The following TUSC3 variants were observed in gnomAD, a reference collection of about 807,000 sequenced individuals.
TUSC3 encodes dolichyl-diphosphooligosaccharide--protein glycosyltransferase subunit TUSC3.
Under a neutral mutation model 44.8 loss-of-function variants are expected in TUSC3, and 45 were observed. The observed-to-expected ratio is 1.00, with a 90% CI of 0.79 to 1.29. The LOEUF (loss-of-function observed/expected upper bound fraction) is 1.29, where lower values mean the gene tolerates loss of function less well. Ranked by LOEUF, TUSC3 falls within the 50% of genes most tolerant of loss-of-function variation. The probability of loss-of-function intolerance (pLI) is 0.00; values close to 1 mark genes in which losing one functional copy is unlikely to be tolerated. For missense variants in TUSC3, 519 were observed against 437.9 expected (o/e 1.19, Z -1.65); for synonymous variants, 212 against 152.9 (o/e 1.39, Z -2.85).
At chr8:15,626,929 T>C (rs1168382550) in intron 2 of TUSC3, among the ~76,000 whole-genome samples, 2 of 152,076 alleles carry the variant, frequency 1.3e-5, no homozygotes, top group Non-Finnish European at 2.9e-5. Context: ...GGCTCCAGGG[T>C]GGAAGGGTCC....
the TUSC3 span, among the ~76,000 whole-genome samples, chr8:15,779,012 T>C: frequency 3.3e-5 from 5 of 152,066 alleles, no homozygotes; most frequent in African/African-American, 1.2e-4. Flanking sequence ...TCCTCAGCAC[T>C]AGGACTGGAG....
At chr8:15,708,442 TAAAAGA>T (rs1809709093) in intron 6 of TUSC3, among the ~76,000 whole-genome samples, 1 of 151,934 alleles carries the variant, frequency 6.6e-6, no homozygotes, top group African/African-American at 2.4e-5. Context: ...CTGAAAGACT[TAAAAGA>T]CTAGTCTGAA....
At position 15,540,704 on chromosome 8, in the gene TUSC3, G is replaced by T. The variant is rs1199162135; in HGVS notation, c.138+136G>T. The T allele has an allele frequency of 4.1e-6, 5 of 1,229,618 alleles. No homozygotes were observed. The African/African-American group carries it at 7.9e-5, about 19-fold the overall frequency. The allele number at this position is 1,229,618 out of a possible 1,614,324, so 76.2% of individuals were successfully genotyped here. On this transcript the variant is annotated intron_variant, in intron 1 of 10. Transcript: ENST00000503731. ...ATGCCGGCGCTGGGGCGGGAGCCGC[G>T]AGGGTGGGAGGCCCTGGGGCGTTTC...
At chr8:15,771,635 A>C (rs1185522820), downstream of TUSC3, among the ~76,000 whole-genome samples, 1 of 152,172 alleles carries the variant, frequency 6.6e-6, no homozygotes, top group African/African-American at 2.4e-5. Context: ...GTGGAAAATA[A>C]ATAATATAAA....
At chr8:15,746,652 T>C (rs1811429367) in intron 8 of TUSC3, among the ~76,000 whole-genome samples, 1 of 152,048 alleles carries the variant, frequency 6.6e-6, no homozygotes, top group Admixed American at 6.6e-5. Flanking sequence ...GATCACACAT[T>C]TCAAGCCTCA....
At chr8:15,513,357 G>T (rs1299144410) in intron 2 of TUSC3, among the ~76,000 whole-genome samples, 1 of 152,096 alleles carries the variant, frequency 6.6e-6, no homozygotes, top group South Asian at 2.1e-4. Flanking sequence ...GATGGAAGTT[G>T]CTGGTTGGAA....
chr8:15,764,541 A>C lies in TUSC3; in HGVS notation c.*385A>C, dbSNP rs1183584855. 1.1e-5 allele frequency: 3 copies of C among 281,768 alleles called. No individual in the cohort carries two copies. The highest frequency in any genetic ancestry group is 2.1e-5 in the Non-Finnish European group (3 of 145,672). The allele number at this position is 281,768 out of a possible 1,614,324, so 17.5% of individuals were successfully genotyped here. On this transcript the variant is annotated 3_prime_UTR_variant, in exon 11 of 11. Coordinates refer to ENST00000503731, the MANE Select transcript of TUSC3 (RefSeq NM_006765.4). ...TAAAGGACCGCAATGTTAGTAAAGA[A>C]AACCTATGAAATGTATGTTAAAGAT...
chr8:15,725,769 T>TA (rs1810472724), intron 6 of TUSC3, among the ~76,000 whole-genome samples: 2 of 152,186 alleles, frequency 1.3e-5, no homozygotes, highest in African/African-American at 4.8e-5. Context: ...CTAAAGGTCT[T>TA]ACTCATGAAA....
In TUSC3 at chr8:15,531,260, C is replaced by CTATT. The variant is rs532392246; in HGVS notation, n.189+47792_189+47795dup. Among the ~76,000 whole-genome samples, 47 of 152,060 alleles carry CTATT rather than the reference C, an allele frequency of 3.1e-4. 1 individual carries two copies. The highest frequency in any genetic ancestry group is 4.6e-4 in the Non-Finnish European group (31 of 68,008). ...CTTTGCTTTCATTCCTGCTCTAAAG[C>CTATT]TATTTATTTATTTATTTAGAGACAC... is the stretch of plus-strand genomic sequence containing the variant. On this transcript the variant is annotated intron_variant and non_coding_transcript_variant, in intron 2 of 5. Transcript: ENST00000503191.
chr8:15,458,443 T>G (rs1800291902), intron 1 of TUSC3, among the ~76,000 whole-genome samples: 1 of 152,146 alleles, frequency 6.6e-6, no homozygotes, highest in African/African-American at 2.4e-5. Flanking sequence ...TTCACCATGT[T>G]GCGCAGGCTG....
intron 1 of TUSC3, among the ~76,000 whole-genome samples, chr8:15,591,495 G>T (rs952962857): frequency 6.6e-6 from 1 of 152,202 alleles, no homozygotes; most frequent in Non-Finnish European, 1.5e-5. Context: ...TGAGCAAGAT[G>T]TGAATATTTC....
At chr8:15,717,360 A>T (rs1417418676) in intron 6 of TUSC3, among the ~76,000 whole-genome samples, 1 of 152,106 alleles carries the variant, frequency 6.6e-6, no homozygotes, top group Non-Finnish European at 1.5e-5. Context: ...AGAGGTCAAA[A>T]TGGGGATAAG....
intron 1 of TUSC3, among the ~76,000 whole-genome samples, chr8:15,551,761 A>T (rs1802067227): frequency 6.6e-6 from 1 of 151,760 alleles, no homozygotes. Context: ...AAGAAACAAA[A>T]TATTCTGCAA....
chr8:15,429,494 C>T (rs1799845810), intron 1 of TUSC3, among the ~76,000 whole-genome samples: 1 of 151,144 alleles, frequency 6.6e-6, no homozygotes, highest in African/African-American at 2.5e-5. Context: ...TAGTTTTTTC[C>T]AATTCTGTGA....
chr8:15,768,647 C>T (rs1812391444), downstream of TUSC3, among the ~76,000 whole-genome samples: 1 of 152,126 alleles, frequency 6.6e-6, no homozygotes, highest in African/African-American at 2.4e-5. Flanking sequence ...CAGAGGAAAT[C>T]AAATTGTCTG....
chr8:15,542,065 G>A (rs564768893), intron 1 of TUSC3, among the ~76,000 whole-genome samples: 6 of 151,792 alleles, frequency 4.0e-5, no homozygotes, highest in African/African-American at 1.2e-4. Flanking sequence ...CCTGATGGCA[G>A]GTGCCCAAGG....
chr8:15,632,108 A>C (rs1445304668), intron 2 of TUSC3, among the ~76,000 whole-genome samples: 3 of 152,104 alleles, frequency 2.0e-5, no homozygotes, highest in East Asian at 1.9e-4. Context: ...TAAATTTTGC[A>C]TTTGTCTCCA....
intron 2 of TUSC3, among the ~76,000 whole-genome samples, chr8:15,507,814 TAAA>T (rs1021287977): frequency 6.6e-6 from 1 of 150,876 alleles, no homozygotes; most frequent in African/African-American, 2.4e-5. Flanking sequence ...TATAGTTAAA[TAAA>T]AAAAAGGCAA....
At chr8:15,638,711 A>G (rs957485620) in intron 2 of TUSC3, among the ~76,000 whole-genome samples, 2 of 151,910 alleles carry the variant, frequency 1.3e-5, no homozygotes, top group African/African-American at 2.4e-5. Flanking sequence ...TTTTTAATAG[A>G]GACAGGGTTT....
Sources: gnomAD v4.1 joint callset for allele counts (sites outside exome capture counted in the v4.1 genomes callset) on GRCh38, gnomAD v4.1.1 for gene constraint, MANE v1.5 for transcripts, NCBI Gene and HGNC (gene_info 2026-07-23, HGNC 2026-07-21) for gene names.